Variants in TRABD2B observed in about 807,000 individuals in gnomAD.
TRABD2B encodes the protein metalloprotease TIKI2.
TRABD2B carries 14 observed loss-of-function variants against 40.1 expected under a neutral mutation model. That is an observed-to-expected ratio of 0.35 (90% CI 0.23 to 0.55). The LOEUF (loss-of-function observed/expected upper bound fraction) is 0.55, where lower values mean the gene tolerates loss of function less well. Ranked by LOEUF, TRABD2B falls within the 20% of genes least tolerant of loss-of-function variation. TRABD2B has a pLI of 0.90. For synonymous variants in TRABD2B, 263 were observed against 277.0 expected (o/e 0.95, Z 0.50); for missense variants, 541 against 648.6 (o/e 0.83, Z 1.80).
At chr1:47,775,148 A>T in intron 6 of TRABD2B, 22 bp downstream of exon 6, 1 of 1,233,134 alleles carries the variant, frequency 8.1e-7, no homozygotes, top group Non-Finnish European at 1.0e-6. Context: ...GCTCCTGGGC[A>T]GACCTGCCCT....
At chr1:47,839,463 T>C (rs1220081639) in intron 2 of TRABD2B, among the ~76,000 whole-genome samples, 1 of 152,116 alleles carries the variant, frequency 6.6e-6, no homozygotes, top group Non-Finnish European at 1.5e-5. Context: ...TGCTACAGCT[T>C]TCCCTTTATC....
chr1:47,878,791 C>T (rs1644260011), intron 2 of TRABD2B, among the ~76,000 whole-genome samples: 1 of 151,980 alleles, frequency 6.6e-6, no homozygotes, highest in Non-Finnish European at 1.5e-5. Context: ...AATAAGCAAA[C>T]AAGGAAAAAG....
At chr1:47,821,078 C>T (rs999608594) in intron 2 of TRABD2B, among the ~76,000 whole-genome samples, 1 of 152,284 alleles carries the variant, frequency 6.6e-6, no homozygotes, top group Admixed American at 6.5e-5. Context: ...TTGCAGACCG[C>T]TCCCTGCAAC....
chr1:47,870,864 T>A (rs1453661596), intron 2 of TRABD2B, among the ~76,000 whole-genome samples: 1 of 152,070 alleles, frequency 6.6e-6, no homozygotes, highest in Non-Finnish European at 1.5e-5. Context: ...GACAATGGGA[T>A]TGTCTAGGCA....
chr1:47,860,089 G>A (rs929410676), intron 2 of TRABD2B, among the ~76,000 whole-genome samples: 2 of 152,126 alleles, frequency 1.3e-5, no homozygotes, highest in Non-Finnish European at 2.9e-5. Context: ...CTGTGATGGC[G>A]GACAGGGCAG....
intron 2 of TRABD2B, among the ~76,000 whole-genome samples, chr1:47,838,069 T>C (rs1645343615): frequency 6.6e-6 from 1 of 152,196 alleles, no homozygotes; most frequent in Admixed American, 6.5e-5. Context: ...CCTGCCTTTG[T>C]GTAATTTAGG....
At chr1:47,839,294 T>C (rs1211212504) in intron 2 of TRABD2B, among the ~76,000 whole-genome samples, 2 of 152,040 alleles carry the variant, frequency 1.3e-5, no homozygotes, top group African/African-American at 2.4e-5. Flanking sequence ...CGGGGACATA[T>C]GGGATGGCCT....
At chr1:47,798,983 G>T (rs1644784263) in intron 3 of TRABD2B, among the ~76,000 whole-genome samples, 1 of 152,336 alleles carries the variant, frequency 6.6e-6, no homozygotes, top group African/African-American at 2.4e-5. Flanking sequence ...GGGGCAGCCT[G>T]GGTTGCTCTT....
chr1:47,797,980 C>T (rs1024776577), intron 3 of TRABD2B, among the ~76,000 whole-genome samples: 50 of 152,190 alleles, frequency 3.3e-4, no homozygotes, highest in African/African-American at 1.1e-3. Context: ...CTGCTGACAC[C>T]ACCTATCTAA....
chr1:47,995,651 C>T (rs1646078990), intron 1 of TRABD2B, among the ~76,000 whole-genome samples: 1 of 152,138 alleles, frequency 6.6e-6, no homozygotes, highest in Non-Finnish European at 1.5e-5. Flanking sequence ...TGCCCACTGA[C>T]CACTTGCAAG....
chr1:47,773,978 C>T (rs1286074327), intron 6 of TRABD2B, among the ~76,000 whole-genome samples: 1 of 152,190 alleles, frequency 6.6e-6, no homozygotes, highest in Non-Finnish European at 1.5e-5. Flanking sequence ...GTGCAAAGTG[C>T]AAGAGGCAGC....
At chr1:47,919,836 C>G (rs1337247268) in intron 2 of TRABD2B, among the ~76,000 whole-genome samples, 2 of 152,114 alleles carry the variant, frequency 1.3e-5, no homozygotes, top group Non-Finnish European at 2.9e-5. Context: ...TATGGTAGGG[C>G]TTCCTGGAGA....
intron 2 of TRABD2B, among the ~76,000 whole-genome samples, chr1:47,807,878 G>A (rs1644913567): frequency 6.6e-6 from 1 of 152,152 alleles, no homozygotes; most frequent in Non-Finnish European, 1.5e-5. Context: ...GTGGAACTAT[G>A]GCCATGTTAT....
At chr1:47,875,709 A>AAAGG (rs1334910026) in intron 2 of TRABD2B, among the ~76,000 whole-genome samples, 1 of 149,336 alleles carries the variant, frequency 6.7e-6, no homozygotes, top group Non-Finnish European at 1.5e-5. Flanking sequence ...AAGAAGAAGG[A>AAAGG]AAGGAAGAAA....
At chr1:47,926,453 A>C (rs576043095) in intron 2 of TRABD2B, among the ~76,000 whole-genome samples, 1 of 152,266 alleles carries the variant, frequency 6.6e-6, no homozygotes, top group South Asian at 2.1e-4. Context: ...TTGCTCCAGG[A>C]ATGAGTGCTT....
rs139886987 is a variant in TRABD2B, at chr1:47,810,616, C to A, written c.667-8997G>T. On this transcript the variant is annotated intron_variant, in intron 2 of 6. Coordinates refer to ENST00000606738, the MANE Select transcript of TRABD2B (RefSeq NM_001194986.2). ...CAACAGCAACCAGGTGGCACACTGC[C>A]AGTGAGATGAGTTCCAAAGAAGTAA... 2.4e-3 allele frequency among the ~76,000 whole-genome samples: 372 copies of A among 152,264 alleles called. 1 individual carries two copies. The highest frequency in any genetic ancestry group is 8.5e-3 in the African/African-American group (355 of 41,552).
At chr1:47,893,968 G>T (rs1644484226) in intron 2 of TRABD2B, among the ~76,000 whole-genome samples, 2 of 152,300 alleles carry the variant, frequency 1.3e-5, no homozygotes, top group African/African-American at 4.8e-5. Flanking sequence ...CAAATAACCT[G>T]CTGTGGATCC....
chr1:47,964,524 T>C (rs1436985928), intron 2 of TRABD2B, among the ~76,000 whole-genome samples: 1 of 152,160 alleles, frequency 6.6e-6, no homozygotes, highest in Non-Finnish European at 1.5e-5. Flanking sequence ...ACCACATCCC[T>C]GTCCCAAATG....
chr1:47,986,044 G>A (rs770108493), intron 2 of TRABD2B, among the ~76,000 whole-genome samples: 8 of 152,148 alleles, frequency 5.3e-5, no homozygotes, highest in Non-Finnish European at 1.2e-4. Flanking sequence ...AAGATAGCAA[G>A]CAAAGAATAA....
Sources: allele counts gnomAD v4.1 joint callset (sites outside exome capture counted in the v4.1 genomes callset), GRCh38; gene constraint gnomAD v4.1.1; transcripts MANE v1.5; gene names NCBI Gene and HGNC (gene_info 2026-07-23, HGNC 2026-07-21).